ANKRD30A: variants seen among roughly 807,000 people sequenced by gnomAD.
ANKRD30A encodes ankyrin repeat domain-containing protein 30A.
ANKRD30A carries 170 observed loss-of-function variants against 166.3 expected under a neutral mutation model. That is an observed-to-expected ratio of 1.02 (90% confidence interval 0.90 to 1.16). ANKRD30A has a LOEUF of 1.16. ANKRD30A is among the 50% of genes most tolerant of loss of function. ANKRD30A has a pLI of 0.00. For missense variants in ANKRD30A, 1,630 were observed against 1,518.0 expected (o/e 1.07, Z -1.23); for synonymous variants, 564 against 508.9 (o/e 1.11, Z -1.46).
Position 37,199,559 on chromosome 10 carries a change from A to G in ANKRD30A, c.2717-168A>G, listed in dbSNP as rs1190618882. On this transcript the variant is annotated intron_variant, in intron 29 of 35. Coordinates refer to ENST00000361713, the MANE Select transcript of ANKRD30A (RefSeq NM_052997.3). ...TAATTTTCAGACTTTTCAGATTTCA[A>G]TTCTAACGGATTGACTATAGGAAGT... Among the ~76,000 whole-genome samples the G allele has an allele frequency of 3.3e-5, 5 of 152,096 alleles. No individual in the cohort carries two copies. The East Asian group carries it at 5.8e-4, about 18-fold the overall frequency.
chr10:37,161,210 G>GA, intron 15 of ANKRD30A, among the ~76,000 whole-genome samples: 1 of 152,288 alleles, frequency 6.6e-6, no homozygotes, highest in East Asian at 1.9e-4. Flanking sequence ...CCTTTCATGG[G>GA]AAAATAGTGG....
At chr10:37,222,576 T>A (rs1788994903) in intron 34 of ANKRD30A, among the ~76,000 whole-genome samples, 1 of 151,296 alleles carries the variant, frequency 6.6e-6, no homozygotes, top group South Asian at 2.1e-4. Context: ...ACTTACAAGT[T>A]ATTGTGTGGG....
chr10:37,240,796 A>G, the ANKRD30A span: 2 of 152,068 alleles, frequency 1.3e-5, no homozygotes, highest in Non-Finnish European at 2.9e-5. Flanking sequence ...GTAGTGCCCT[A>G]TTTTAAATGT....
intron 31 of ANKRD30A, among the ~76,000 whole-genome samples, chr10:37,208,875 T>A (rs1226221638): frequency 6.6e-6 from 1 of 152,178 alleles, no homozygotes; most frequent in Non-Finnish European, 1.5e-5. Flanking sequence ...ACACAGGATA[T>A]CAGCACACGA....
At chr10:37,252,631 G>T in the ANKRD30A span, among the ~76,000 whole-genome samples, 1 of 150,570 alleles carries the variant, frequency 6.6e-6, no homozygotes, top group Admixed American at 6.6e-5. Flanking sequence ...GTCTTTGGAG[G>T]CCATTATTCT....
chr10:37,162,523 C>T, intron 15 of ANKRD30A, 126 bp from the exon 16 acceptor site: 2 of 1,258,374 alleles, frequency 1.6e-6, no homozygotes, highest in Non-Finnish European at 2.3e-6. Flanking sequence ...AGAAAACTTT[C>T]CAAATCTAAA....
rs957587615 is a variant in ANKRD30A, at chr10:37,149,602, C to T, written c.1544-49C>T. Reference sequence around the variant, plus strand: ...ACTATGACTGCATTCATTTGGTTGGCATTGTCATACTTACTTATGATTGAT... The same window carrying T: ...ACTATGACTGCATTCATTTGGTTGGTATTGTCATACTTACTTATGATTGAT... On this transcript the variant is annotated intron_variant, in intron 9 of 35. Transcript: ENST00000361713. The T allele has an allele frequency of 1.9e-6, 3 of 1,579,334 alleles. No homozygotes were observed. In the Admixed American group the frequency reaches 5.0e-5, roughly 27 times the overall value.
At chr10:37,247,739 G>A in the ANKRD30A span, among the ~76,000 whole-genome samples, 8 of 151,292 alleles carry the variant, frequency 5.3e-5, no homozygotes, top group Admixed American at 6.6e-5. Flanking sequence ...AAAATTAGCC[G>A]GGCGTGGTGG....
chr10:37,197,270 T>C lies in ANKRD30A; in HGVS notation c.2615-11T>C, dbSNP rs1292222347. ...ACTTATGATTGATGATAAATCTCTT[T>C]TGCTTTTTAGAGCCTCCCGAGAAGC... On this transcript the variant is annotated splice_polypyrimidine_tract_variant and intron_variant, in intron 27 of 35. Transcript: ENST00000361713. The C allele has an allele frequency of 1.9e-6, 3 of 1,612,300 alleles. No homozygotes were observed. Among genetic ancestry groups the C allele is most frequent in the Non-Finnish European group, 2.5e-6 (3 of 1,179,140 alleles).
In ANKRD30A at chr10:37,125,693, TGAA is replaced by T. The variant is rs1286949433; in HGVS notation, c.-90_-88del. ...ACGGGTATCGAGGCGGTGCGTGGACTGAAGAAGGGCGAGGGCGATTGGGGAGGG... is the reference window on the plus strand; with the variant it reads ...ACGGGTATCGAGGCGGTGCGTGGACTGAAGGGCGAGGGCGATTGGGGAGGG... On this transcript the variant is annotated 5_prime_UTR_variant, in exon 1 of 36. Coordinates refer to ENST00000361713, the MANE Select transcript of ANKRD30A (RefSeq NM_052997.3). 8.2e-6 allele frequency: 4 copies of T among 485,458 alleles called. No homozygotes were observed. The highest frequency in any genetic ancestry group is 1.4e-5 in the Non-Finnish European group (4 of 276,760). The allele number at this position is 485,458 out of a possible 1,614,324, so 30.1% of individuals were successfully genotyped here.
the ANKRD30A span, among the ~76,000 whole-genome samples, chr10:37,250,282 G>A: frequency 6.6e-6 from 1 of 152,088 alleles, no homozygotes; most frequent in Non-Finnish European, 1.5e-5. Context: ...TGATATTGAA[G>A]TTCTTGAAAG....
intron 29 of ANKRD30A, among the ~76,000 whole-genome samples, chr10:37,199,012 A>G (rs894752326): frequency 2.0e-5 from 3 of 152,128 alleles, no homozygotes; most frequent in African/African-American, 7.2e-5. Context: ...ACGTTGGATT[A>G]CTTAAGGCAA....
At chr10:37,127,902 T>C (rs1249909706) in intron 1 of ANKRD30A, among the ~76,000 whole-genome samples, 1 of 152,140 alleles carries the variant, frequency 6.6e-6, no homozygotes, top group Non-Finnish European at 1.5e-5. Context: ...AATTCTATTA[T>C]ACTAAAATAT....
chr10:37,234,011 G>A (rs568950312), downstream of ANKRD30A, among the ~76,000 whole-genome samples: 2 of 152,164 alleles, frequency 1.3e-5, no homozygotes, highest in South Asian at 4.1e-4. Flanking sequence ...TAATTTGAAG[G>A]ACTATCTTAT....
At chr10:37,167,805 C>T (rs1201366435) in intron 19 of ANKRD30A, among the ~76,000 whole-genome samples, 2 of 148,844 alleles carry the variant, frequency 1.3e-5, no homozygotes, top group South Asian at 2.1e-4. Flanking sequence ...CAATTCATAA[C>T]ACTTTTTCTG....
At chr10:37,240,381 A>G in the ANKRD30A span, among the ~76,000 whole-genome samples, 43 of 152,258 alleles carry the variant, frequency 2.8e-4, no homozygotes, top group African/African-American at 1.0e-3. Flanking sequence ...CCCAAGACTC[A>G]TCTTGTAATG....
At chr10:37,159,633 T>G (rs1251516025) in intron 15 of ANKRD30A, among the ~76,000 whole-genome samples, 1 of 152,188 alleles carries the variant, frequency 6.6e-6, no homozygotes, top group Non-Finnish European at 1.5e-5. Flanking sequence ...TCTTATAGGC[T>G]ATATGTAGAA....
At chr10:37,199,855 T>A in intron 30 of ANKRD30A, 67 bp downstream of exon 30, 1 of 984,104 alleles carries the variant, frequency 1.0e-6, no homozygotes, top group South Asian at 1.4e-5. Context: ...AATCAGATGC[T>A]TAGACTTTAT....
At chr10:37,167,047 A>G (rs1391488838) in intron 19 of ANKRD30A, among the ~76,000 whole-genome samples, 1 of 152,106 alleles carries the variant, frequency 6.6e-6, no homozygotes, top group African/African-American at 2.4e-5. Flanking sequence ...ATGGAGGATG[A>G]TAAAATGAAA....
Sources: gnomAD v4.1 joint callset for allele counts (sites outside exome capture counted in the v4.1 genomes callset) on GRCh38, gnomAD v4.1.1 for gene constraint, MANE v1.5 for transcripts, NCBI Gene and HGNC (gene_info 2026-07-23, HGNC 2026-07-21) for gene names.